TENM3: variants seen among roughly 807,000 people sequenced by gnomAD.
TENM3 encodes teneurin-3.
In TENM3, 63 loss-of-function variants were observed where a neutral mutation model predicts 255.1. The ratio of observed to expected loss-of-function variants is 0.25; its 90% CI spans 0.20 to 0.30. The LOEUF (loss-of-function observed/expected upper bound fraction) is 0.30, where lower values mean the gene tolerates loss of function less well. TENM3 is among the 10% of genes least tolerant of loss of function. The pLI is 1.00. For missense variants in TENM3, 2,929 were observed against 3,461.1 expected (o/e 0.85, Z 3.86); for synonymous variants, 1,306 against 1,322.3 (o/e 0.99, Z 0.27).
At chr4:182,560,111 A>G (rs1364459937) in intron 3 of TENM3, among the ~76,000 whole-genome samples, 2 of 151,152 alleles carry the variant, frequency 1.3e-5, no homozygotes, top group African/African-American at 4.9e-5. Flanking sequence ...AAGAGTAACT[A>G]TCCCCACAAC....
intron 3 of TENM3, among the ~76,000 whole-genome samples, chr4:182,511,154 T>C (rs990431899): frequency 6.6e-6 from 1 of 152,196 alleles, no homozygotes; most frequent in African/African-American, 2.4e-5. Flanking sequence ...TTTTTGCCCC[T>C]TACCCAGGAG....
chr4:181,492,850 T>C, the TENM3 span, among the ~76,000 whole-genome samples: 33 of 152,196 alleles, frequency 2.2e-4, no homozygotes, highest in Admixed American at 2.2e-3. Flanking sequence ...CTATTTAATG[T>C]TACTTTCTCT....
chr4:182,752,465 G>A (rs919165203), intron 20 of TENM3, among the ~76,000 whole-genome samples: 2 of 152,104 alleles, frequency 1.3e-5, no homozygotes, highest in Admixed American at 1.3e-4. Context: ...GGAGAGCTGT[G>A]AAACTTTTGT....
chr4:182,433,308 C>G (rs117673967), intron 3 of TENM3, among the ~76,000 whole-genome samples: 6 of 151,970 alleles, frequency 3.9e-5, no homozygotes, highest in Non-Finnish European at 8.8e-5. Context: ...GGATGAGATA[C>G]GAGTTTGTGG....
the TENM3 span, among the ~76,000 whole-genome samples, chr4:182,101,851 A>T: frequency 1.3e-5 from 2 of 152,198 alleles, no homozygotes; most frequent in African/African-American, 4.8e-5. Flanking sequence ...TCATTCCACA[A>T]TGTATTCATA....
rs766727299 is a variant in TENM3, at chr4:182,346,699, G to A, written c.281G>A (p.Arg94Gln). The change falls in exon 3 of 28, where the codon CGA becomes CAA. Residue 94 changes from arginine (R) to glutamine (Q), a missense_variant. By Grantham distance (43) the Arg-to-Gln change is conservative (BLOSUM62 1). Transcript: ENST00000511685. ...RQLGVCEPATRRGLAFCAEMG... is the reference protein window; with the variant it reads ...RQLGVCEPATQRGLAFCAEMG... ...TTAGGAGTTTGTGAACCAGCAACTC[G>A]AAGAGGACTGGCATTTTGTGCGGAA... The A allele has an allele frequency of 5.0e-6, 8 of 1,613,532 alleles. No homozygotes were observed. The Admixed American group carries it at 6.7e-5, about 13-fold the overall frequency.
At chr4:182,262,904 G>A (rs1045642974) in intron 1 of TENM3, among the ~76,000 whole-genome samples, 23 of 151,658 alleles carry the variant, frequency 1.5e-4, no homozygotes, top group South Asian at 2.1e-4. Context: ...TAGTAGAGAC[G>A]GGGTTTCACC....
the TENM3 span, among the ~76,000 whole-genome samples, chr4:181,812,550 G>C: frequency 2.0e-5 from 3 of 152,208 alleles, no homozygotes; most frequent in Admixed American, 2.0e-4. Context: ...GATTCTAGGA[G>C]ACAGTGACTG....
chr4:182,389,524 G>A (rs1404737055), intron 3 of TENM3, among the ~76,000 whole-genome samples: 4 of 152,084 alleles, frequency 2.6e-5, no homozygotes, highest in South Asian at 2.1e-4. Flanking sequence ...TTAGGTCAGC[G>A]TATGTGGCAC....
the TENM3 span, among the ~76,000 whole-genome samples, chr4:181,459,326 A>G: frequency 6.6e-6 from 1 of 151,898 alleles, no homozygotes; most frequent in Non-Finnish European, 1.5e-5. Flanking sequence ...ACGTTCTGAA[A>G]AGTGTCTTTT....
chr4:181,801,130 G>A, the TENM3 span, among the ~76,000 whole-genome samples: 1 of 152,114 alleles, frequency 6.6e-6, no homozygotes, highest in Non-Finnish European at 1.5e-5. Flanking sequence ...AGACAGGCTG[G>A]CTTGGCAAGC....
chr4:182,362,340 A>C (rs868645106), intron 3 of TENM3, among the ~76,000 whole-genome samples: 26 of 148,218 alleles, frequency 1.8e-4, no homozygotes, highest in Middle Eastern at 3.4e-3. Context: ...CTACAGAGGC[A>C]GGCAGGCCTC....
intron 1 of TENM3, among the ~76,000 whole-genome samples, chr4:182,237,370 G>GTTTT (rs1554036264): frequency 9.8e-6 from 1 of 101,650 alleles, no homozygotes; most frequent in Non-Finnish European, 1.9e-5. Context: ...CAGACATTCT[G>GTTTT]TTTTCTTTTT....
At chr4:182,163,423 G>A (rs111298258) in intron 1 of TENM3, among the ~76,000 whole-genome samples, 38 of 152,250 alleles carry the variant, frequency 2.5e-4, no homozygotes, top group African/African-American at 8.7e-4. Flanking sequence ...CCTCACACAA[G>A]GGGATTTAGT....
the TENM3 span, among the ~76,000 whole-genome samples, chr4:181,473,576 A>C: frequency 6.6e-6 from 1 of 152,004 alleles, no homozygotes; most frequent in South Asian, 2.1e-4. Context: ...TGGGTGACAG[A>C]GTGAGACTCT....
the TENM3 span, among the ~76,000 whole-genome samples, chr4:181,983,732 C>T: frequency 0.15 from 22,578 of 151,880 alleles, 2,060 homozygotes; most frequent in South Asian, 0.27. Flanking sequence ...GCACTGGGAC[C>T]GATTTTTTTT....
At chr4:182,112,742 G>A in the TENM3 span, among the ~76,000 whole-genome samples, 2 of 152,010 alleles carry the variant, frequency 1.3e-5, no homozygotes, top group Non-Finnish European at 2.9e-5. Context: ...TTTCATTTTT[G>A]CGTTTATGCT....
At chr4:181,917,411 A>G in the TENM3 span, among the ~76,000 whole-genome samples, 9 of 152,142 alleles carry the variant, frequency 5.9e-5, no homozygotes, top group African/African-American at 2.2e-4. Flanking sequence ...CTTCTAATGA[A>G]ACCCAGAAAC....
intron 1 of TENM3, among the ~76,000 whole-genome samples, chr4:182,231,077 T>C (rs958599939): frequency 5.9e-5 from 9 of 151,916 alleles, no homozygotes; most frequent in Admixed American, 5.9e-4. Flanking sequence ...GGCCTCCTTG[T>C]GTTCCAGGGT....
Sources: allele counts gnomAD v4.1 joint callset (sites outside exome capture counted in the v4.1 genomes callset), GRCh38; gene constraint gnomAD v4.1.1; transcripts MANE v1.5; gene names NCBI Gene and HGNC (gene_info 2026-07-23, HGNC 2026-07-21).